The following TAF1C variants were observed in gnomAD, a reference collection of about 807,000 sequenced individuals.
The protein encoded by TAF1C is TATA-box binding protein associated factor, RNA polymerase I subunit C, also known as TATA box-binding protein-associated factor RNA polymerase I subunit C.
TAF1C carries 79 observed loss-of-function variants against 70.5 expected under a neutral mutation model. That is an observed-to-expected ratio of 1.12 (90% CI 0.93 to 1.35). The LOEUF is 1.35. Among genes scored for constraint, TAF1C ranks in the 40% most tolerant of loss-of-function variants. TAF1C has a pLI of 0.00. For synonymous variants in TAF1C, 614 were observed against 491.1 expected (o/e 1.25, Z -3.31); for missense variants, 1,412 against 1,127.8 (o/e 1.25, Z -3.61).
chr16:84,180,944 G>C, intron 12 of TAF1C, 99 bp downstream of exon 12: 1 of 1,465,232 alleles, frequency 6.8e-7, no homozygotes, highest in Non-Finnish European at 9.1e-7. Context: ...TTTGCTGGGT[G>C]GTTGTCTGGG....
Position 84,179,545 on chromosome 16 carries a change from AGCTCTGTGCT to A in TAF1C, c.1918_1927del (p.Ser640CysfsTer45). ...CTGCCCTTCCTCTTCCTCCCTCCGC[AGCTCTGTGCT>A]GCCCAGCATCTGGCGGTGGGTGAAG... On this transcript the variant is annotated frameshift_variant, in exon 15 of 15. Coordinates refer to ENST00000566732, the MANE Select transcript of TAF1C (RefSeq NM_001243156.2). LOFTEE classifies it low-confidence loss of function (END_TRUNC). The A allele has an allele frequency of 1.2e-6, 2 of 1,610,948 alleles. No homozygotes were observed. Among genetic ancestry groups the A allele is most frequent in the South Asian group, 2.2e-5 (2 of 91,070 alleles).
Position 84,183,082 on chromosome 16 carries a change from G to C in TAF1C, c.476C>G (p.Pro159Arg), listed in dbSNP as rs1421392955. The C allele has an allele frequency of 6.2e-7, 1 of 1,614,036 alleles. No individual in the cohort carries two copies. Among genetic ancestry groups the C allele is most frequent in the East Asian group, 2.2e-5 (1 of 44,876 alleles). Reference sequence around the variant, plus strand: ...TTTCTCATCAGCCACTTGCCCCCAGGGCTGGTGTCCACCGAGGTCCTGGAG... The same window carrying C: ...TTTCTCATCAGCCACTTGCCCCCAGCGCTGGTGTCCACCGAGGTCCTGGAG... Reference protein sequence around the residue: ...KLLQDLGGHQPWGCPWAYLSN... With the variant: ...KLLQDLGGHQRWGCPWAYLSN... The change falls in exon 6 of 15, where the codon CCC (proline) becomes CGC (arginine). Residue 159 changes from proline (P) to arginine (R), a missense_variant. By Grantham distance (103) the Pro-to-Arg change is moderately radical. Transcript: ENST00000566732.
chr16:84,186,831 C>T (rs1351302286), intron 1 of TAF1C, 70 bp downstream of exon 1: 1 of 152,270 alleles, frequency 6.6e-6, no homozygotes, highest in East Asian at 1.9e-4. Flanking sequence ...CGTCCCTCCC[C>T]TCCTACATCT....
rs370979026 is a variant in TAF1C at position 84,181,100 on chromosome 16, G to A, written c.1251C>T (p.Tyr417=). The change falls in exon 12 of 15, where the codon TAC becomes TAT. Residue 417 remains tyrosine (Y), a synonymous_variant. Coordinates refer to ENST00000566732, the MANE Select transcript of TAF1C (RefSeq NM_001243156.2). ...GGCATTTGGGGCTGGAGTGCCCCAG[G>A]TACTGGGTAAGCAGGACACGTTCCC... ...QKGERVLLTQ[Y]LGHSSPKCLP... The A allele has an allele frequency of 2.7e-5, 43 of 1,613,018 alleles. No homozygotes were observed. Among genetic ancestry groups the A allele is most frequent in the African/African-American group, 5.3e-5 (4 of 74,908 alleles).
chr16:84,181,512 G>A (rs2089190599), intron 10 of TAF1C, 49 bp from the exon 11 acceptor site: 3 of 1,613,662 alleles, frequency 1.9e-6, no homozygotes, highest in African/African-American at 1.3e-5. Context: ...TGATGGGGAA[G>A]GGGCTCAAGG....
chr16:84,183,049 T>C, intron 6 of TAF1C, 27 bp downstream of exon 6: 2 of 1,612,944 alleles, frequency 1.2e-6, no homozygotes, highest in Non-Finnish European at 1.7e-6. Context: ...TGCCTATCCA[T>C]CTCCTCCTTT....
At chr16:84,185,943 T>A (rs767192635) in intron 1 of TAF1C, among the ~76,000 whole-genome samples, 32 of 151,954 alleles carry the variant, frequency 2.1e-4, no homozygotes, top group Non-Finnish European at 3.5e-4. Context: ...GTAAATACAG[T>A]CCTCTAGAAG....
rs2088871329 is a variant in TAF1C, at chr16:84,178,463, A to T, written c.*478T>A. 1.5e-5 allele frequency: 7 copies of T among 459,330 alleles called. No homozygotes were observed. In the Admixed American group the frequency reaches 1.6e-4, roughly 11 times the overall value. The allele number at this position is 459,330 out of a possible 1,614,324, so 28.5% of individuals were successfully genotyped here. ...TAGGAAACATCAGACCGGGGCAGAG[A>T]TTGACAAAGCAACCCACAACAGCAG... On this transcript the variant is annotated 3_prime_UTR_variant, in exon 15 of 15. Transcript: ENST00000566732.
chr16:84,181,246 G>T (rs199619500), intron 11 of TAF1C, 60 bp from the exon 12 acceptor site: 39 of 1,596,304 alleles, frequency 2.4e-5, no homozygotes, highest in Non-Finnish European at 3.3e-5. Context: ...CGCTGTCCTC[G>T]CCCAGGCCGC....
intron 8 of TAF1C, 24 bp from the exon 9 acceptor site, chr16:84,181,887 G>A (rs1428183888): frequency 1.2e-6 from 2 of 1,614,176 alleles, no homozygotes; most frequent in South Asian, 1.1e-5. Context: ...GAAAGGGCCA[G>A]GGGTCAGGTA....
intron 2 of TAF1C, 73 bp from the exon 3 acceptor site, chr16:84,183,851 C>A: frequency 8.7e-7 from 1 of 1,152,598 alleles, no homozygotes; most frequent in South Asian, 1.4e-5. Context: ...CACAGGCATT[C>A]ATCTCTTATC....
At position 84,178,495 on chromosome 16, in the gene TAF1C, A is replaced by G. The variant is rs2088874055; in HGVS notation, c.*446T>C. On this transcript the variant is annotated 3_prime_UTR_variant, in exon 15 of 15. Transcript: ENST00000566732. ...AAGCAACCCACAACAGCAGCTGCCA[A>G]CGGCCGCTGTGCCCACCTCATCAGC... 1 of 461,014 alleles carries G rather than the reference A, an allele frequency of 2.2e-6. No individual in the cohort carries two copies. Among genetic ancestry groups the G allele is most frequent in the Admixed American group, 2.3e-5 (1 of 42,704 alleles). 28.6% of individuals were successfully genotyped at this position (461,014 alleles called of 1,614,324 possible).
chr16:84,181,358 G>A lies in TAF1C; in HGVS notation c.1134C>T (p.Asp378=). 6.2e-7 allele frequency: 1 copy of A among 1,613,740 alleles called. No homozygotes were observed. Among genetic ancestry groups the A allele is most frequent in the Middle Eastern group, 1.6e-4 (1 of 6,062 alleles). ...TAHPRVLTVG[D]RTGVKMLDTQ... is the part of the protein sequence containing the mutation. ...TGTCCAGCATCTTCACTCCGGTGCGGTCACCCACGGTCAGCACCCGAGGGT... is the reference window on the plus strand; with the variant it reads ...TGTCCAGCATCTTCACTCCGGTGCGATCACCCACGGTCAGCACCCGAGGGT... Residue 378 remains aspartate, a synonymous_variant, in exon 11 of 15, where the codon GAC becomes GAT. Coordinates refer to ENST00000566732, the MANE Select transcript of TAF1C (RefSeq NM_001243156.2).
chr16:84,181,148 C>T lies in TAF1C; in HGVS notation c.1203G>A (p.Gly401=), dbSNP rs1165267912. 1 of 1,611,870 alleles carries T rather than the reference C, an allele frequency of 6.2e-7. No homozygotes were observed. Residue 401 remains glycine, a synonymous_variant, in exon 12 of 15, where the codon GGG becomes GGA. Coordinates refer to ENST00000566732, the MANE Select transcript of TAF1C (RefSeq NM_001243156.2). The stretch of plus-strand genomic sequence containing the variant: ...CCCCTTTCTGGCACGAAGCCTCTGC[C>T]CCCAAACGAAAAAGCAACAGACCAC... ...PGCGLLLFRL[G]AEASCQKGER...
In TAF1C at chr16:84,179,838, G is replaced by A. The variant is rs766819736; in HGVS notation, c.1635C>T (p.Val545=). ...LKAPTIGLAA[V]VPPLPSAPTP... ...TGGGCGCTGAGGGCAAGGGCGGGAC[G>A]ACGGCAGCCAGACCTGGTGACGGGA... is the stretch of plus-strand genomic sequence containing the variant. Residue 545 remains valine (V), a synonymous_variant, in exon 15 of 15, where the codon GTC becomes GTT. Transcript: ENST00000566732. 65 of 1,606,436 alleles carry A rather than the reference G, an allele frequency of 4.0e-5. No homozygotes were observed. Among genetic ancestry groups the A allele is most frequent in the Non-Finnish European group, 4.8e-5 (56 of 1,175,602 alleles).
intron 1 of TAF1C, 99 bp from the exon 2 acceptor site, chr16:84,185,159 T>C (rs937043649): frequency 3.8e-6 from 3 of 789,110 alleles, no homozygotes; most frequent in Non-Finnish European, 5.8e-6. Flanking sequence ...TAGTGAGAAC[T>C]GTATTAAAGC....
chr16:84,183,643 T>G, intron 3 of TAF1C, 54 bp downstream of exon 3: 8 of 1,566,666 alleles, frequency 5.1e-6, no homozygotes, highest in Non-Finnish European at 7.0e-6. Flanking sequence ...GCGGGAGCAG[T>G]GGGAAGAATA....
At position 84,182,168 on chromosome 16, in the gene TAF1C, C is replaced by A. The variant is rs1322433939; in HGVS notation, c.721+34G>T. 3 of 1,595,782 alleles carry A rather than the reference C, an allele frequency of 1.9e-6. No individual in the cohort carries two copies. The highest frequency in any genetic ancestry group is 2.6e-6 in the Non-Finnish European group (3 of 1,169,292). Reference sequence around the variant, plus strand: ...AGCACCTCCTCTACCAGAGGCGAGCCCGCTGGAATCTCCTGTCTCGCAAGA... The same window carrying A: ...AGCACCTCCTCTACCAGAGGCGAGCACGCTGGAATCTCCTGTCTCGCAAGA... On this transcript the variant is annotated intron_variant, in intron 7 of 14. Coordinates refer to ENST00000566732, the MANE Select transcript of TAF1C (RefSeq NM_001243156.2). The surrounding 1 kb of genome is among the most constrained non-coding windows in gnomAD (Gnocchi z 5.0).
chr16:84,184,159 C>G (rs760179030), intron 2 of TAF1C, among the ~76,000 whole-genome samples: 1 of 152,204 alleles, frequency 6.6e-6, no homozygotes, highest in African/African-American at 2.4e-5. Flanking sequence ...GGCGGCTCCA[C>G]CTCCCTTTGC....
Sources: gnomAD v4.1 joint callset for allele counts (sites outside exome capture counted in the v4.1 genomes callset) on GRCh38, gnomAD v4.1.1 for gene constraint, Gnocchi (gnomAD v3.1) non-coding constraint, MANE v1.5 for transcripts, NCBI Gene and HGNC (gene_info 2026-07-23, HGNC 2026-07-21) for gene names.